Variants in ALG13 observed in about 807,000 individuals in gnomAD.
ALG13 encodes UDP-N-acetylglucosamine transferase subunit ALG13.
In ALG13, 11 loss-of-function variants were observed where a neutral mutation model predicts 87.8. The observed-to-expected ratio is 0.13, with a 90% CI of 0.08 to 0.21. The LOEUF (loss-of-function observed/expected upper bound fraction) is 0.21, where lower values mean the gene tolerates loss of function less well. Among genes scored for constraint, ALG13 ranks in the 10% least tolerant of loss-of-function variants. ALG13 has a pLI of 1.00. For synonymous variants in ALG13, 320 were observed against 306.3 expected (o/e 1.04, Z -0.47); for missense variants, 756 against 866.1 (o/e 0.87, Z 1.60).
At chrX:111,703,672 A>C (rs1217204159) in intron 3 of ALG13, among the ~76,000 whole-genome samples, 2 of 111,809 alleles carry the variant, frequency 1.8e-5, no homozygotes, top group Non-Finnish European at 3.8e-5. Context: ...TACATTTGAG[A>C]TACGTGTTCT....
chrX:111,744,406 A>G (rs913022137), intron 23 of ALG13, among the ~76,000 whole-genome samples: 6 of 111,923 alleles, frequency 5.4e-5, no homozygotes, highest in East Asian at 2.8e-4. Flanking sequence ...TCAAAGTCTG[A>G]TAGTCAAAGC....
rs201401964 is a variant in ALG13, at chrX:111,739,020, T to C, written c.2695+2141T>C. Reference sequence around the variant, plus strand: ...CTAAAAGCTATAATTTAGAAAACTTTGCTGAAGTTTTGTATTAGGTTGTTT... The same window carrying C: ...CTAAAAGCTATAATTTAGAAAACTTCGCTGAAGTTTTGTATTAGGTTGTTT... On this transcript the variant is annotated intron_variant, in intron 23 of 26. Coordinates refer to ENST00000394780, the MANE Select transcript of ALG13 (RefSeq NM_001099922.3). Among the ~76,000 whole-genome samples the C allele has an allele frequency of 8.0e-5, 9 of 112,050 alleles. No individual in the cohort carries two copies. The East Asian group carries it at 1.7e-3, about 21-fold the overall frequency.
At chrX:111,756,571 T>C (rs776257107) in intron 25 of ALG13, among the ~76,000 whole-genome samples, 15 of 111,233 alleles carry the variant, frequency 1.3e-4, no homozygotes, top group South Asian at 7.7e-4. Context: ...AGAGCTCTTT[T>C]ATTTTAGTCT....
chrX:111,751,661 T>C (rs1481703222), intron 24 of ALG13, among the ~76,000 whole-genome samples: 1 of 111,862 alleles, frequency 8.9e-6, no homozygotes, highest in Non-Finnish European at 1.9e-5. Flanking sequence ...TAAAATATTA[T>C]GTAGCTTGAG....
In ALG13 at chrX:111,748,383, C is replaced by G. The variant is rs1412737981; in HGVS notation, c.2932+3479C>G. Among the ~76,000 whole-genome samples, 3 of 111,806 alleles carry G rather than the reference C, an allele frequency of 2.7e-5. No individual in the cohort carries two copies. The Admixed American group carries it at 2.8e-4, about 11-fold the overall frequency. On this transcript the variant is annotated intron_variant, in intron 24 of 26. Transcript: ENST00000394780. Reference sequence around the variant, plus strand: ...AGTCTTGGGGTCATCTAGATTTTCTCCTATGTTATCGTCTAGGAGTTTTAT... The same window carrying G: ...AGTCTTGGGGTCATCTAGATTTTCTGCTATGTTATCGTCTAGGAGTTTTAT...
At chrX:111,683,507 T>TC (rs1345479726) in intron 2 of ALG13, among the ~76,000 whole-genome samples, 3 of 107,924 alleles carry the variant, frequency 2.8e-5, no homozygotes, top group African/African-American at 1.0e-4. Context: ...ATTTTTTTTT[T>TC]CTTTGTATTT....
intron 21 of ALG13, among the ~76,000 whole-genome samples, chrX:111,730,872 A>G (rs1016599814): frequency 1.1e-4 from 12 of 112,313 alleles, no homozygotes; most frequent in Admixed American, 2.8e-4. Context: ...CCTTTATGCT[A>G]CATGTCTAGT....
intron 3 of ALG13, among the ~76,000 whole-genome samples, chrX:111,693,267 T>A (rs1455262432): frequency 1.4e-4 from 15 of 106,580 alleles, no homozygotes; most frequent in African/African-American, 4.5e-4. Context: ...TTTATTTTTT[T>A]TTTTTTTAAC....
At chrX:111,732,303 C>G (rs1396216148) in intron 21 of ALG13, among the ~76,000 whole-genome samples, 4 of 112,267 alleles carry the variant, frequency 3.6e-5, no homozygotes, top group African/African-American at 1.3e-4. Context: ...TACCCTACTT[C>G]TAGTTACCAA....
chrX:111,740,746 C>G (rs1219580430), intron 23 of ALG13, among the ~76,000 whole-genome samples: 1 of 111,426 alleles, frequency 9.0e-6, no homozygotes, highest in Non-Finnish European at 1.9e-5. Flanking sequence ...AAGATCATTG[C>G]AATAGATTGG....
intron 24 of ALG13, 30 bp downstream of exon 24, chrX:111,744,934 A>G (rs1232162361): frequency 1.8e-6 from 2 of 1,101,990 alleles, no homozygotes; most frequent in Non-Finnish European, 2.5e-6. Context: ...TAGGTGAGGG[A>G]TCTGAGACTT....
Position 111,696,688 on chromosome X carries a change from G to A in ALG13, c.384-11339G>A, listed in dbSNP as rs187970058. Among the ~76,000 whole-genome samples the A allele has an allele frequency of 5.3e-4, 59 of 111,617 alleles. 1 individual carries two copies. Among genetic ancestry groups the A allele is most frequent in the African/African-American group, 1.6e-3 (50 of 30,815 alleles). On this transcript the variant is annotated intron_variant, in intron 3 of 26. Transcript: ENST00000394780. ...TATAGCAATTAAAAGGGCAAATTAC[G>A]TATTCTAGCTAAATTTCAGTATAAA...
At chrX:111,709,546 C>T (rs1313525794) in intron 5 of ALG13, among the ~76,000 whole-genome samples, 2 of 111,878 alleles carry the variant, frequency 1.8e-5, no homozygotes, top group Non-Finnish European at 3.8e-5. Context: ...GTCTAAGTAT[C>T]TAGTCTTTCC....
intron 3 of ALG13, among the ~76,000 whole-genome samples, chrX:111,696,265 TC>T (rs1936951578): frequency 8.9e-6 from 1 of 111,822 alleles, no homozygotes; most frequent in Non-Finnish European, 1.9e-5. Flanking sequence ...GAAGGTGTTA[TC>T]AATATTTTAA....
Position 111,730,399 on chromosome X carries a change from A to T in ALG13, c.2373A>T (p.Arg791=), listed in dbSNP as rs1006542504. 8.3e-7 allele frequency: 1 copy of T among 1,210,023 alleles called. No homozygotes were observed. Among genetic ancestry groups the T allele is most frequent in the Admixed American group, 2.2e-5 (1 of 46,000 alleles). The change falls in exon 20 of 27, where the codon CGA becomes CGT. Residue 791 remains arginine, a synonymous_variant. Transcript: ENST00000394780. ...TGTCTTGTCTTTTTTCCCCAGGGCG[A>T]TATCATGAAGAATATCTTTATCGTG... ...EEGNGQSENG[R]YHEEYLYRAE...
rs866825977 is a variant in ALG13 at position 111,685,429 on chromosome X, A to G, written c.383+326A>G. 7.1e-5 allele frequency among the ~76,000 whole-genome samples: 8 copies of G among 112,280 alleles called. No homozygotes were observed. The South Asian group carries it at 1.8e-3, about 26-fold the overall frequency. On this transcript the variant is annotated intron_variant, in intron 3 of 26. Coordinates refer to ENST00000394780, the MANE Select transcript of ALG13 (RefSeq NM_001099922.3). ...TTTTGAGTTCATTATTTAGATTTTC[A>G]TTATTCAAGGAAGACAATTTGCTCA...
At chrX:111,707,708 T>G (rs1429727481) in intron 3 of ALG13, among the ~76,000 whole-genome samples, 1 of 111,845 alleles carries the variant, frequency 8.9e-6, no homozygotes, top group Non-Finnish European at 1.9e-5. Flanking sequence ...AAAATTCAGC[T>G]AGAGATCTTA....
chrX:111,693,172 T>G (rs1267748524), intron 3 of ALG13, among the ~76,000 whole-genome samples: 1 of 106,897 alleles, frequency 9.4e-6, no homozygotes, highest in African/African-American at 3.4e-5. Flanking sequence ...TTCTTTTTTT[T>G]TTTTTTTTTT....
At chrX:111,732,022 C>T (rs895902642) in intron 21 of ALG13, among the ~76,000 whole-genome samples, 1 of 111,615 alleles carries the variant, frequency 9.0e-6, no homozygotes, top group African/African-American at 3.3e-5. Flanking sequence ...TGTCGTTGTT[C>T]AAACCATTCA....
Sources: allele counts gnomAD v4.1 joint callset (sites outside exome capture counted in the v4.1 genomes callset), GRCh38; gene constraint gnomAD v4.1.1; transcripts MANE v1.5; gene names NCBI Gene and HGNC (gene_info 2026-07-23, HGNC 2026-07-21).